The following GK2 variants were observed in gnomAD, a reference collection of about 807,000 sequenced individuals.
GK2 encodes ATP:glycerol 3-phosphotransferase 2.
Under a neutral mutation model 9.5 loss-of-function variants are expected in GK2, and 10 were observed. The observed-to-expected ratio is 1.05, with a 90% CI of 0.65 to 1.78. GK2 has a LOEUF of 1.78. Ranked by LOEUF, GK2 falls within the 40% of genes most tolerant of loss-of-function variation. GK2 has a pLI of 0.00. For missense variants in GK2, 643 were observed against 669.0 expected, an observed-to-expected ratio of 0.96 and a Z score of 0.43; for synonymous variants, 228 against 229.9, an observed-to-expected ratio of 0.99 and a Z score of 0.07.
Position 79,406,595 on chromosome 4 carries a change from TA to T in GK2, c.1605del (p.Phe535LeufsTer2). 1 of 1,613,986 alleles carries T rather than the reference TA, an allele frequency of 6.2e-7. No homozygotes were observed. The highest frequency in any genetic ancestry group is 8.5e-7 in the Non-Finnish European group (1 of 1,179,884). On this transcript the variant is annotated frameshift_variant, in exon 1 of 1. Coordinates refer to ENST00000358842, the MANE Select transcript of GK2 (RefSeq NM_033214.3). LOFTEE classifies it high-confidence loss of function. Reference protein sequence around the residue: ...SIFSSLPLGFFIVSSMVMLIG... With the variant: ...SIFSSLPLGFXIVSSMVMLIG... ...ATTAGCATTACCATGCTACTCACTA[TA>T]AAAAATCCCAAAGGCAGACTAGAGA...
In GK2 at chr4:79,408,211, G is replaced by A; in HGVS notation, c.-11C>T. 6.4e-7 allele frequency: 1 copy of A among 1,565,952 alleles called. No homozygotes were observed. Among genetic ancestry groups the A allele is most frequent in the Non-Finnish European group, 8.6e-7 (1 of 1,158,820 alleles). ...CTTTGGGGCTGCCATGACACCAGTA[G>A]GTCGGCTCAGCAGCTCTGGGACCGT... On this transcript the variant is annotated 5_prime_UTR_variant, in exon 1 of 1. Transcript: ENST00000358842.
rs1436409700 is a variant in GK2 at position 79,407,921 on chromosome 4, T to C, written c.280A>G (p.Arg94Gly). The C allele has an allele frequency of 6.2e-7, 1 of 1,614,084 alleles. No individual in the cohort carries two copies. The highest frequency in any genetic ancestry group is 8.5e-7 in the Non-Finnish European group (1 of 1,180,036). Residue 94 changes from arginine to glycine, a missense_variant, in exon 1 of 1, where the codon AGG (arginine) becomes GGG (glycine). By Grantham distance (125) the Arg-to-Gly change is moderately radical. Transcript: ENST00000358842. Reference sequence around the variant, plus strand: ...TTGTCCCAGATTACAGTGGTTTCCCTCTGATTGCTGACACCAACAGCTTTT... The same window carrying C: ...TTGTCCCAGATTACAGTGGTTTCCCCCTGATTGCTGACACCAACAGCTTTT... ...NIKAVGVSNQ[R>G]ETTVIWDKLT...
Position 79,408,065 on chromosome 4 carries a change from C to G in GK2, c.136G>C (p.Glu46Gln). 6.2e-7 allele frequency: 1 copy of G among 1,614,208 alleles called. No individual in the cohort carries two copies. The highest frequency in any genetic ancestry group is 8.5e-7 in the Non-Finnish European group (1 of 1,180,026). Reference protein sequence around the residue: ...LSHHKVELTQEFPKEGWVEQD... With the variant: ...LSHHKVELTQQFPKEGWVEQD... ...TCCACCCATCCTTCTTTTGGGAACT[C>G]TTGTGTTAATTCCACTTTGTGATGA... Residue 46 changes from glutamate (E) to glutamine (Q), a missense_variant, in exon 1 of 1, where the codon GAG (glutamate) becomes CAG (glutamine). Coordinates refer to ENST00000358842, the MANE Select transcript of GK2 (RefSeq NM_033214.3).
At position 79,406,947 on chromosome 4, in the gene GK2, T is replaced by C. The variant is rs1346257705; in HGVS notation, c.1254A>G (p.Pro418=). Residue 418 remains proline (P), a synonymous_variant, in exon 1 of 1, where the codon CCA becomes CCG. Coordinates refer to ENST00000358842, the MANE Select transcript of GK2 (RefSeq NM_033214.3). ...LEAMNRDCGI[P]LRHLQVDGGM... ...CTCCATCTACCTGCAAATGACGAAG[T>C]GGAATTCCACAGTCACGGTTCATGG... 1 of 1,614,200 alleles carries C rather than the reference T, an allele frequency of 6.2e-7. No homozygotes were observed. Among genetic ancestry groups the C allele is most frequent in the South Asian group, 1.1e-5 (1 of 91,082 alleles).
In GK2 at chr4:79,406,426, G is replaced by C; in HGVS notation, c.*113C>G. 4.6e-6 allele frequency: 3 copies of C among 654,474 alleles called. No homozygotes were observed. 40.5% of individuals were successfully genotyped at this position (654,474 alleles called of 1,614,324 possible). A position where few individuals can be genotyped will look rare whatever the true frequency, so the allele number is the denominator to read the frequency against. On this transcript the variant is annotated 3_prime_UTR_variant, in exon 1 of 1. Transcript: ENST00000358842. Reference sequence around the variant, plus strand: ...GGTTTTCATGGGTCATGTAGCAAGTGGTTTATAAACAAAATCAGAGTCTAT... The same window carrying C: ...GGTTTTCATGGGTCATGTAGCAAGTCGTTTATAAACAAAATCAGAGTCTAT...
At position 79,406,666 on chromosome 4, in the gene GK2, C is replaced by T. The variant is rs762342531; in HGVS notation, c.1535G>A (p.Gly512Asp). ...TWKKAVMKSM[G>D]WVTSQSPEGG... is the part of the protein sequence containing the mutation. Reference sequence around the variant, plus strand: ...TTCAGGAGACTGACTGGTAACCCAACCCATTGACTTCATTACGGCTTTCTT... The same window carrying T: ...TTCAGGAGACTGACTGGTAACCCAATCCATTGACTTCATTACGGCTTTCTT... The change falls in exon 1 of 1, where the codon GGT becomes GAT. Residue 512 changes from glycine to aspartate, a missense_variant. By Grantham distance (94) the Gly-to-Asp change is moderately conservative (BLOSUM62 -1). Transcript: ENST00000358842. 1 of 1,614,006 alleles carries T rather than the reference C, an allele frequency of 6.2e-7. No individual in the cohort carries two copies. Among genetic ancestry groups the T allele is most frequent in the Non-Finnish European group, 8.5e-7 (1 of 1,179,898 alleles).
Position 79,407,013 on chromosome 4 carries a change from T to A in GK2, c.1188A>T (p.Ala396=), listed in dbSNP as rs1197264319. ...FTNKCHIAFA[A]LEAVCFQTRE... ...GGGTTTGGAAACAAACAGCTTCTAATGCAGCAAAAGCAATATGACATTTAT... is the reference window on the plus strand; with the variant it reads ...GGGTTTGGAAACAAACAGCTTCTAAAGCAGCAAAAGCAATATGACATTTAT... Residue 396 remains alanine, a synonymous_variant, in exon 1 of 1, where the codon GCA becomes GCT. Coordinates refer to ENST00000358842, the MANE Select transcript of GK2 (RefSeq NM_033214.3). 6.2e-7 allele frequency: 1 copy of A among 1,614,236 alleles called. No individual in the cohort carries two copies. Among genetic ancestry groups the A allele is most frequent in the East Asian group, 2.2e-5 (1 of 44,888 alleles).
In GK2 at chr4:79,406,389, T is replaced by A. The variant is rs1167298945; in HGVS notation, c.*150A>T. 1.4e-5 allele frequency: 8 copies of A among 554,614 alleles called. No homozygotes were observed. Among genetic ancestry groups the A allele is most frequent in the Non-Finnish European group, 2.5e-5 (8 of 313,840 alleles). The allele number at this position is 554,614 out of a possible 1,614,324, so 34.4% of individuals were successfully genotyped here. ...TCTAACGTATTTTCTTTATTTCAGGTCACAAGTCTAGGGTTTTCATGGGTC... is the reference window on the plus strand; with the variant it reads ...TCTAACGTATTTTCTTTATTTCAGGACACAAGTCTAGGGTTTTCATGGGTC... On this transcript the variant is annotated 3_prime_UTR_variant, in exon 1 of 1. Transcript: ENST00000358842.
rs1553902389 is a variant in GK2, at chr4:79,406,844, C to G, written c.1357G>C (p.Glu453Gln). The G allele has an allele frequency of 1.9e-6, 3 of 1,614,102 alleles. No homozygotes were observed. Among genetic ancestry groups the G allele is most frequent in the South Asian group, 1.1e-5 (1 of 91,088 alleles). Reference sequence around the variant, plus strand: ...ATGGCAGCTCCTAGTGCAGTTGTTTCAGGCATAAAGGGTTTTATTACTGGA... The same window carrying G: ...ATGGCAGCTCCTAGTGCAGTTGTTTGAGGCATAAAGGGTTTTATTACTGGA... Reference protein sequence around the residue: ...HIPVIKPFMPETTALGAAMAA... With the variant: ...HIPVIKPFMPQTTALGAAMAA... The change falls in exon 1 of 1, where the codon GAA becomes CAA. Residue 453 changes from glutamate (E) to glutamine (Q), a missense_variant. Glu to Gln is a conservative substitution (Grantham distance 29, BLOSUM62 2). Transcript: ENST00000358842.
chr4:79,406,549 C>G lies in GK2; in HGVS notation c.1652G>C (p.Gly551Ala), dbSNP rs1053265927. ...VMLIGARYIS[G>A]VP ...CCATAGCTGGTATTATTATGGCACA[C>G]CCGAGATATATCTTGCTCCAATTAG... The change falls in exon 1 of 1, where the codon GGT (glycine) becomes GCT (alanine). Residue 551 changes from glycine to alanine, a missense_variant. By Grantham distance (60) the Gly-to-Ala change is moderately conservative. Transcript: ENST00000358842. The G allele has an allele frequency of 1.2e-6, 2 of 1,601,264 alleles. No individual in the cohort carries two copies. Among genetic ancestry groups the G allele is most frequent in the South Asian group, 1.1e-5 (1 of 90,678 alleles).
rs1253425041 is a variant in GK2 at position 79,406,678 on chromosome 4, A to G, written c.1523T>C (p.Met508Thr). 6.2e-7 allele frequency: 1 copy of G among 1,614,134 alleles called. No individual in the cohort carries two copies. Among genetic ancestry groups the G allele is most frequent in the Admixed American group, 1.7e-5 (1 of 60,018 alleles). ...IRYATWKKAV[M>T]KSMGWVTSQS... ...ACTGGTAACCCAACCCATTGACTTC[A>G]TTACGGCTTTCTTCCATGTGGCATA... The change falls in exon 1 of 1, where the codon ATG (methionine) becomes ACG (threonine). Residue 508 changes from methionine (M) to threonine (T), a missense_variant. Transcript: ENST00000358842.
chr4:79,407,460 G>A lies in GK2; in HGVS notation c.741C>T (p.Ala247=), dbSNP rs1725879982. ...ACCCAGATATTGGCACACCTTCCAGGGCTCCAGTTTTAATTAGGCCATAGA... is the reference window on the plus strand; with the variant it reads ...ACCCAGATATTGGCACACCTTCCAGAGCTCCAGTTTTAATTAGGCCATAGA... ...SEIYGLIKTG[A]LEGVPISGCL... Residue 247 remains alanine, a synonymous_variant, in exon 1 of 1, where the codon GCC becomes GCT. Coordinates refer to ENST00000358842, the MANE Select transcript of GK2 (RefSeq NM_033214.3). 1 of 1,614,100 alleles carries A rather than the reference G, an allele frequency of 6.2e-7. No individual in the cohort carries two copies. The highest frequency in any genetic ancestry group is 1.3e-5 in the African/African-American group (1 of 75,006).
rs1341941726 is a variant in GK2 at position 79,406,376 on chromosome 4, T to G, written c.*163A>C. The G allele has an allele frequency of 2.2e-5, 12 of 543,524 alleles. No homozygotes were observed. Among genetic ancestry groups the G allele is most frequent in the Non-Finnish European group, 3.9e-5 (12 of 308,598 alleles). The allele number at this position is 543,524 out of a possible 1,614,324, so 33.7% of individuals were successfully genotyped here. On this transcript the variant is annotated 3_prime_UTR_variant, in exon 1 of 1. Coordinates refer to ENST00000358842, the MANE Select transcript of GK2 (RefSeq NM_033214.3). ...TCTACAGTGCTCTTCTAACGTATTTTCTTTATTTCAGGTCACAAGTCTAGG... is the reference window on the plus strand; with the variant it reads ...TCTACAGTGCTCTTCTAACGTATTTGCTTTATTTCAGGTCACAAGTCTAGG...
Position 79,407,213 on chromosome 4 carries a change from G to A in GK2, c.988C>T (p.Arg330Cys), listed in dbSNP as rs1417995112. The A allele has an allele frequency of 6.2e-6, 10 of 1,613,976 alleles. No individual in the cohort carries two copies. The East Asian group carries it at 6.7e-5, about 11-fold the overall frequency. The change falls in exon 1 of 1, where the codon CGT becomes TGT. Residue 330 changes from arginine to cysteine, a missense_variant. By Grantham distance (180) the Arg-to-Cys change is radical. Transcript: ENST00000358842. The stretch of plus-strand genomic sequence containing the variant: ...ATTCCAAGATTGTCTCTTAGCCAAC[G>A]AATAACAGCACCTGCTATAGCAACA... ...GSVAIAGAVI[R>C]WLRDNLGIIE... is the part of the protein sequence containing the mutation.
Position 79,407,757 on chromosome 4 carries a change from G to GT in GK2, c.443dup (p.Tyr148Ter), listed in dbSNP as rs1471052834. The stretch of plus-strand genomic sequence containing the variant: ...TCCAACGAAGTTTTACTGCACTGAA[G>GT]TAAGTGCTGAGTGGAAGGCCTGTCT... The part of the protein sequence containing the change: ...KSKTGLPLST[Y>*]FSAVKLRWML... Residue 148 changes from tyrosine (Y) to a stop codon, truncating the protein, a stop_gained and frameshift_variant, in exon 1 of 1, where the codon TAC (tyrosine) becomes TAAC (stop). Transcript: ENST00000358842. LOFTEE classifies it high-confidence loss of function. 4 of 1,613,958 alleles carry GT rather than the reference G, an allele frequency of 2.5e-6. No individual in the cohort carries two copies. In the East Asian group the frequency reaches 6.7e-5, roughly 27 times the overall value.
In GK2 at chr4:79,406,595, T is replaced by C. The variant is rs369618994; in HGVS notation, c.1606A>G (p.Ile536Val). ...IFSSLPLGFF[I>V]VSSMVMLIGA... ...ATTAGCATTACCATGCTACTCACTA[T>C]AAAAAATCCCAAAGGCAGACTAGAG... Residue 536 changes from isoleucine (I) to valine (V), a missense_variant, in exon 1 of 1, where the codon ATA (isoleucine) becomes GTA (valine). Physicochemically the swap from Ile to Val is conservative, Grantham distance 29 (BLOSUM62 3). Transcript: ENST00000358842. The C allele has an allele frequency of 8.7e-6, 14 of 1,613,868 alleles. No individual in the cohort carries two copies. The African/African-American group carries it at 1.5e-4, about 17-fold the overall frequency.
rs374037739 is a variant in GK2 at position 79,407,919 on chromosome 4, C to T, written c.282G>A (p.Arg94=). The change falls in exon 1 of 1, where the codon AGG becomes AGA. Residue 94 remains arginine, a synonymous_variant. Coordinates refer to ENST00000358842, the MANE Select transcript of GK2 (RefSeq NM_033214.3). ...NIKAVGVSNQ[R]ETTVIWDKLT... is the part of the protein sequence containing the mutation. ...ACTTGTCCCAGATTACAGTGGTTTC[C>T]CTCTGATTGCTGACACCAACAGCTT... 135 of 1,614,072 alleles carry T rather than the reference C, an allele frequency of 8.4e-5. No individual in the cohort carries two copies. Among genetic ancestry groups the T allele is most frequent in the Non-Finnish European group, 1.1e-4 (125 of 1,180,034 alleles).
At position 79,407,941 on chromosome 4, in the gene GK2, G is replaced by A. The variant is rs774778072; in HGVS notation, c.260C>T (p.Ala87Val). Residue 87 changes from alanine (A) to valine (V), a missense_variant, in exon 1 of 1, where the codon GCT becomes GTT. By Grantham distance (64) the Ala-to-Val change is moderately conservative. Coordinates refer to ENST00000358842, the MANE Select transcript of GK2 (RefSeq NM_033214.3). ...TTCCCTCTGATTGCTGACACCAACA[G>A]CTTTTATGTTGGATATATCAATATT... ...ELNIDISNIKAVGVSNQRETT... is the reference protein window; with the variant it reads ...ELNIDISNIKVVGVSNQRETT... 2 of 1,613,720 alleles carry A rather than the reference G, an allele frequency of 1.2e-6. No homozygotes were observed. Among genetic ancestry groups the A allele is most frequent in the Non-Finnish European group, 1.7e-6 (2 of 1,179,634 alleles).
chr4:79,408,195 T>A lies in GK2; in HGVS notation c.6A>T (p.Ala2=). ...GCCCCACAGCTGCTGTCTTTGGGGC[T>A]GCCATGACACCAGTAGGTCGGCTCA... M[A]APKTAAVGPL... is the part of the protein sequence containing the mutation. The change falls in exon 1 of 1, where the codon GCA becomes GCT. Residue 2 remains alanine (A), a synonymous_variant. Transcript: ENST00000358842. 6.3e-7 allele frequency: 1 copy of A among 1,587,806 alleles called. No homozygotes were observed.
Sources: allele counts gnomAD v4.1 joint callset, GRCh38; gene constraint gnomAD v4.1.1; transcripts MANE v1.5; gene names NCBI Gene and HGNC (gene_info 2026-07-23, HGNC 2026-07-21).